The following PTPRM variants were observed in gnomAD, a reference collection of about 807,000 sequenced individuals.
PTPRM encodes the protein protein tyrosine phosphatase receptor type M, also known as receptor-type tyrosine-protein phosphatase mu.
PTPRM carries 47 observed loss-of-function variants against 186.7 expected under a neutral mutation model. The observed-to-expected ratio is 0.25, with a 90% CI of 0.20 to 0.32. PTPRM has a LOEUF of 0.32. Ranked by LOEUF, PTPRM falls within the 10% of genes least tolerant of loss-of-function variation. The probability of loss-of-function intolerance (pLI) is 1.00; values close to 1 mark genes in which losing one functional copy is unlikely to be tolerated. For synonymous variants in PTPRM, 668 were observed against 674.9 expected (o/e 0.99, Z 0.16); for missense variants, 1,494 against 1,865.0 (o/e 0.80, Z 3.66).
intron 20 of PTPRM, among the ~76,000 whole-genome samples, chr18:8,305,964 C>G (rs1221294419): frequency 1.3e-5 from 2 of 151,114 alleles, no homozygotes; most frequent in Non-Finnish European, 2.9e-5. Flanking sequence ...ATGGTGCGAT[C>G]TCAGCTCACT....
intron 4 of PTPRM, among the ~76,000 whole-genome samples, chr18:7,911,065 G>A (rs1260076286): frequency 6.6e-6 from 1 of 152,118 alleles, no homozygotes; most frequent in Non-Finnish European, 1.5e-5. Context: ...CCTTCACTTA[G>A]CGTGTTTCAA....
At chr18:8,169,754 C>CAT (rs1340809196) in intron 14 of PTPRM, among the ~76,000 whole-genome samples, 1 of 152,022 alleles carries the variant, frequency 6.6e-6, no homozygotes, top group Non-Finnish European at 1.5e-5. Context: ...CATATATATT[C>CAT]ATATATGCTC....
chr18:7,646,964 G>A (rs1044082014), intron 1 of PTPRM, among the ~76,000 whole-genome samples: 2 of 152,082 alleles, frequency 1.3e-5, no homozygotes, highest in Non-Finnish European at 2.9e-5. Flanking sequence ...AAGGAGAAAC[G>A]GGTTTCTGCT....
chr18:7,808,360 C>T (rs746375244), intron 2 of PTPRM, among the ~76,000 whole-genome samples: 7 of 152,134 alleles, frequency 4.6e-5, no homozygotes, highest in East Asian at 1.9e-4. Context: ...CATGTAGAGG[C>T]GAGTTAGATT....
chr18:7,611,924 T>G (rs953302399), intron 1 of PTPRM, among the ~76,000 whole-genome samples: 3 of 152,198 alleles, frequency 2.0e-5, no homozygotes, highest in African/African-American at 7.2e-5. Context: ...ATCAGCAGCA[T>G]GAAAGCAGAC....
chr18:8,328,948 G>A (rs1330455014), intron 22 of PTPRM, among the ~76,000 whole-genome samples: 1 of 152,302 alleles, frequency 6.6e-6, no homozygotes, highest in Admixed American at 6.5e-5. Context: ...AACATTTAAA[G>A]GAAGAGTTAA....
intron 2 of PTPRM, among the ~76,000 whole-genome samples, chr18:7,786,383 C>A (rs2043097274): frequency 6.6e-6 from 1 of 151,990 alleles, no homozygotes; most frequent in African/African-American, 2.4e-5. Context: ...ATGACCAGTC[C>A]TTATTTGTAT....
intron 2 of PTPRM, among the ~76,000 whole-genome samples, chr18:7,820,997 G>T (rs2045159992): frequency 6.6e-6 from 1 of 152,122 alleles, no homozygotes; most frequent in Admixed American, 6.5e-5. Context: ...AGTTCCACAA[G>T]TCAGCCTGCC....
At chr18:7,703,653 A>G (rs1212750046) in intron 1 of PTPRM, among the ~76,000 whole-genome samples, 2 of 152,160 alleles carry the variant, frequency 1.3e-5, no homozygotes, top group Non-Finnish European at 2.9e-5. Context: ...TCCTATTTGA[A>G]TACCCTTTAT....
At chr18:8,401,278 T>G (rs2095870881) in intron 32 of PTPRM, among the ~76,000 whole-genome samples, 1 of 152,142 alleles carries the variant, frequency 6.6e-6, no homozygotes, top group Admixed American at 6.5e-5. Context: ...TGCAGGGGGC[T>G]TTGGTGAAGA....
chr18:7,988,061 T>TG (rs747361039), intron 7 of PTPRM, among the ~76,000 whole-genome samples: 108 of 151,504 alleles, frequency 7.1e-4, no homozygotes, highest in Non-Finnish European at 1.5e-3. Flanking sequence ...GGCATGTGCC[T>TG]GTCCTCCCAG....
chr18:7,858,238 CAA>C (rs1369498115), intron 2 of PTPRM, among the ~76,000 whole-genome samples: 1 of 152,088 alleles, frequency 6.6e-6, no homozygotes, highest in Non-Finnish European at 1.5e-5. Flanking sequence ...TGAGAAACTG[CAA>C]AGTTATGTTT....
chr18:7,882,109 A>G (rs1489780135), intron 2 of PTPRM, among the ~76,000 whole-genome samples: 1 of 152,028 alleles, frequency 6.6e-6, no homozygotes, highest in African/African-American at 2.4e-5. Flanking sequence ...GAGCTGGCCC[A>G]CTCATTGTTT....
At chr18:8,165,165 C>T (rs1417702163) in intron 14 of PTPRM, among the ~76,000 whole-genome samples, 2 of 120,268 alleles carry the variant, frequency 1.7e-5, no homozygotes, top group South Asian at 2.4e-4. Context: ...AAGACTCCAT[C>T]TCAAAAAAAA....
chr18:7,896,123 C>T (rs1465129854), intron 3 of PTPRM, among the ~76,000 whole-genome samples: 4 of 152,138 alleles, frequency 2.6e-5, no homozygotes, highest in Non-Finnish European at 5.9e-5. Flanking sequence ...TCTGTGTTGA[C>T]CTGCCCTCCT....
chr18:8,336,657 A>G (rs74514281), intron 22 of PTPRM, among the ~76,000 whole-genome samples: 10,860 of 138,548 alleles, frequency 0.078, 423 homozygotes, highest in South Asian at 0.12. Context: ...GAAGGAGAAG[A>G]AGGAGGAGGA....
chr18:8,036,385 T>C (rs1315070663), intron 7 of PTPRM, among the ~76,000 whole-genome samples: 1 of 152,236 alleles, frequency 6.6e-6, no homozygotes, highest in Non-Finnish European at 1.5e-5. Flanking sequence ...TAAGTAGTTG[T>C]ATTAAATTGT....
intron 7 of PTPRM, among the ~76,000 whole-genome samples, chr18:8,002,822 G>A (rs987711135): frequency 2.6e-5 from 4 of 152,186 alleles, no homozygotes; most frequent in African/African-American, 9.6e-5. Flanking sequence ...CTCCGTGATT[G>A]CAATTCTCAG....
intron 7 of PTPRM, among the ~76,000 whole-genome samples, chr18:7,996,739 C>A (rs140731170): frequency 1.3e-3 from 192 of 150,260 alleles, no homozygotes; most frequent in African/African-American, 4.4e-3. Context: ...ATTTCTATAC[C>A]TAAACAGCAA....
Sources: gnomAD v4.1 joint callset for allele counts (sites outside exome capture counted in the v4.1 genomes callset) on GRCh38, gnomAD v4.1.1 for gene constraint, MANE v1.5 for transcripts, NCBI Gene and HGNC (gene_info 2026-07-23, HGNC 2026-07-21) for gene names.